NTNG1: variants seen among roughly 807,000 people sequenced by gnomAD.
The protein encoded by NTNG1 is netrin-G1.
Under a neutral mutation model 54.0 loss-of-function variants are expected in NTNG1, and 16 were observed. The ratio of observed to expected loss-of-function variants is 0.30; its 90% CI spans 0.20 to 0.45. The LOEUF is 0.45. Among genes scored for constraint, NTNG1 ranks in the 20% least tolerant of loss-of-function variants. NTNG1 has a pLI of 1.00. For synonymous variants in NTNG1, 255 were observed against 263.1 expected (o/e 0.97, Z 0.30); for missense variants, 530 against 678.7 (o/e 0.78, Z 2.43).
At chr1:107,186,162 C>A (rs542901627) in intron 2 of NTNG1, among the ~76,000 whole-genome samples, 7 of 152,146 alleles carry the variant, frequency 4.6e-5, no homozygotes, top group Non-Finnish European at 1.0e-4. Flanking sequence ...TAATGGCCTC[C>A]AGTTCCATCT....
At chr1:107,364,506 C>G (rs1266476073) in intron 3 of NTNG1, among the ~76,000 whole-genome samples, 3 of 152,130 alleles carry the variant, frequency 2.0e-5, no homozygotes, top group Non-Finnish European at 1.5e-5. Context: ...TTAAAAGACT[C>G]ATTGAATTTT....
intron 6 of NTNG1, among the ~76,000 whole-genome samples, chr1:107,431,571 C>G (rs1005526716): frequency 2.6e-5 from 4 of 152,144 alleles, no homozygotes; most frequent in African/African-American, 7.2e-5. Context: ...CCCCTGAGCA[C>G]TTTCCCTTCC....
chr1:107,221,380 C>G (rs999407626), intron 2 of NTNG1, among the ~76,000 whole-genome samples: 3 of 152,154 alleles, frequency 2.0e-5, no homozygotes, highest in Non-Finnish European at 4.4e-5. Context: ...CAAGGCAAAG[C>G]TGATCATGGC....
intron 3 of NTNG1, among the ~76,000 whole-genome samples, chr1:107,350,307 T>G (rs1669526607): frequency 6.6e-6 from 1 of 152,206 alleles, no homozygotes. Context: ...TTTATCTTCC[T>G]TTCTCCAATT....
intron 3 of NTNG1, among the ~76,000 whole-genome samples, chr1:107,364,582 G>A (rs1450431885): frequency 3.3e-5 from 5 of 152,158 alleles, no homozygotes; most frequent in African/African-American, 9.7e-5. Context: ...GCTCAGAAGG[G>A]CCTGGGGTAC....
At chr1:107,451,149 G>A (rs539033153) in intron 7 of NTNG1, among the ~76,000 whole-genome samples, 49 of 147,842 alleles carry the variant, frequency 3.3e-4, no homozygotes, top group Admixed American at 8.8e-4. Context: ...GACTTTCCAC[G>A]GGGTTATTTG....
At chr1:107,192,360 C>T (rs997839806) in intron 2 of NTNG1, among the ~76,000 whole-genome samples, 2 of 152,026 alleles carry the variant, frequency 1.3e-5, no homozygotes, top group South Asian at 2.1e-4. Flanking sequence ...GCCTGCCCAG[C>T]GTGTTTCCTA....
intron 4 of NTNG1, among the ~76,000 whole-genome samples, chr1:107,396,472 A>T (rs1672692677): frequency 6.6e-6 from 1 of 152,168 alleles, no homozygotes; most frequent in African/African-American, 2.4e-5. Context: ...AAGGGTATTC[A>T]GTTGCTTTCA....
chr1:107,407,329 C>T (rs560075782), intron 4 of NTNG1, among the ~76,000 whole-genome samples: 12 of 152,178 alleles, frequency 7.9e-5, no homozygotes, highest in African/African-American at 2.6e-4. Context: ...GGTTTAATAT[C>T]TAGTTTGAAC....
chr1:107,283,597 C>G (rs543926299), intron 2 of NTNG1, among the ~76,000 whole-genome samples: 4 of 152,140 alleles, frequency 2.6e-5, no homozygotes, highest in Non-Finnish European at 5.9e-5. Flanking sequence ...GCTGTATTGC[C>G]ATTTCAAATA....
chr1:107,180,216 ATATTT>A (rs1304763060), intron 2 of NTNG1, among the ~76,000 whole-genome samples: 1 of 152,176 alleles, frequency 6.6e-6, no homozygotes, highest in African/African-American at 2.4e-5. Flanking sequence ...CTCAGAGCTT[ATATTT>A]TAGATACGTA....
intron 3 of NTNG1, among the ~76,000 whole-genome samples, chr1:107,352,763 G>C (rs1669699968): frequency 6.6e-6 from 1 of 152,226 alleles, no homozygotes; most frequent in South Asian, 2.1e-4. Context: ...CACTCTCTTT[G>C]TAATATGCCT....
chr1:107,280,272 T>C (rs1225643475), intron 2 of NTNG1, among the ~76,000 whole-genome samples: 8 of 151,398 alleles, frequency 5.3e-5, no homozygotes, highest in Non-Finnish European at 1.2e-4. Context: ...GACAATCGCT[T>C]ATTCTGTGTG....
At chr1:107,168,550 A>C (rs544609452) in intron 2 of NTNG1, among the ~76,000 whole-genome samples, 167 of 152,256 alleles carry the variant, frequency 1.1e-3, no homozygotes, top group African/African-American at 3.9e-3. Flanking sequence ...ATAGAAGTGG[A>C]ACTACTTTGT....
chr1:107,354,485 A>G (rs948752427), intron 3 of NTNG1, among the ~76,000 whole-genome samples: 5 of 151,638 alleles, frequency 3.3e-5, no homozygotes, highest in Non-Finnish European at 5.9e-5. Context: ...AAAAAAAAAA[A>G]AAAAAAAGAA....
In NTNG1 at chr1:107,403,718, A is replaced by C. The variant is rs867461336; in HGVS notation, c.1061-3964A>C. ...AGACTCTGTCAAAAAAAAAAAAAAAACCTCATGCACACCTGTGCTTCATTT... is the reference window on the plus strand; with the variant it reads ...AGACTCTGTCAAAAAAAAAAAAAAACCCTCATGCACACCTGTGCTTCATTT... On this transcript the variant is annotated intron_variant, in intron 4 of 7. Transcript: ENST00000370068. The C allele has an allele frequency of 6.0e-5, 9 of 149,938 alleles. 1 individual carries two copies. The Middle Eastern group carries it at 4.1e-3, about 69-fold the overall frequency. The allele number at this position is 149,938 out of a possible 1,614,324, so 9.3% of individuals were successfully genotyped here. A position where few individuals can be genotyped will look rare whatever the true frequency, so the allele number is the denominator to read the frequency against.
chr1:107,207,907 G>A (rs559086780), intron 2 of NTNG1, among the ~76,000 whole-genome samples: 7 of 152,146 alleles, frequency 4.6e-5, no homozygotes, highest in African/African-American at 1.7e-4. Context: ...AGCAGCCACA[G>A]CATGGCAGCT....
intron 2 of NTNG1, among the ~76,000 whole-genome samples, chr1:107,280,457 C>A (rs181109294): frequency 6.6e-6 from 1 of 151,890 alleles, no homozygotes; most frequent in Non-Finnish European, 1.5e-5. Flanking sequence ...TCTCTGTTTC[C>A]AGAATTATTT....
intron 3 of NTNG1, among the ~76,000 whole-genome samples, chr1:107,376,085 TTACTC>T (rs1372415468): frequency 5.3e-5 from 8 of 152,232 alleles, no homozygotes; most frequent in African/African-American, 2.4e-5. Flanking sequence ...TATAAGCACT[TTACTC>T]TTATTGACTT....
Sources: allele counts gnomAD v4.1 joint callset (sites outside exome capture counted in the v4.1 genomes callset), GRCh38; gene constraint gnomAD v4.1.1; transcripts MANE v1.5; gene names NCBI Gene and HGNC (gene_info 2026-07-23, HGNC 2026-07-21).